The following THADA variants were observed in gnomAD, a reference collection of about 807,000 sequenced individuals.
THADA encodes tRNA (32-2'-O)-methyltransferase regulator THADA.
In THADA, 213 loss-of-function variants were observed where a neutral mutation model predicts 219.8. The ratio of observed to expected loss-of-function variants is 0.97; its 90% CI spans 0.87 to 1.09. The LOEUF (loss-of-function observed/expected upper bound fraction) is 1.09, where lower values mean the gene tolerates loss of function less well. Among genes scored for constraint, THADA ranks in the 50% least tolerant of loss-of-function variants. The pLI, the probability that THADA is intolerant of heterozygous loss-of-function variation, is 0.00. For synonymous variants in THADA, 1,018 were observed against 828.9 expected (o/e 1.23, Z -3.92); for missense variants, 2,956 against 2,311.3 (o/e 1.28, Z -5.72).
At chr2:43,410,613 G>A (rs1375904270) in intron 28 of THADA, among the ~76,000 whole-genome samples, 1 of 152,076 alleles carries the variant, frequency 6.6e-6, no homozygotes, top group Non-Finnish European at 1.5e-5. Context: ...TAATTATACT[G>A]AGTGAAAAAG....
chr2:43,441,037 T>C (rs7581586), intron 26 of THADA, among the ~76,000 whole-genome samples: 16,906 of 152,282 alleles, frequency 0.11, 1,076 homozygotes, highest in African/African-American at 0.16. Context: ...TAAGTAATTG[T>C]TTTGTTTTTA....
intron 36 of THADA, among the ~76,000 whole-genome samples, chr2:43,255,715 C>T (rs151164501): frequency 6.6e-6 from 1 of 152,212 alleles, no homozygotes; most frequent in African/African-American, 2.4e-5. Flanking sequence ...CCCCGGGAAG[C>T]TCAGATTCTT....
At chr2:43,452,796 A>G (rs1210803518) in intron 26 of THADA, among the ~76,000 whole-genome samples, 3 of 152,196 alleles carry the variant, frequency 2.0e-5, no homozygotes, top group Admixed American at 2.0e-4. Context: ...CTGCTGTTAC[A>G]AAGCATTTTT....
intron 16 of THADA, among the ~76,000 whole-genome samples, chr2:43,559,040 C>A (rs1178354582): frequency 6.6e-6 from 1 of 152,146 alleles, no homozygotes; most frequent in Admixed American, 6.5e-5. Flanking sequence ...CCATAATATG[C>A]CTTCTCCATC....
intron 24 of THADA, among the ~76,000 whole-genome samples, chr2:43,499,534 G>C (rs971440081): frequency 6.6e-6 from 1 of 151,934 alleles, no homozygotes; most frequent in Non-Finnish European, 1.5e-5. Context: ...GTGCCACCAC[G>C]GCCGGCTAAG....
chr2:43,572,670 T>C (rs1290012958), intron 12 of THADA, 144 bp downstream of exon 12: 2 of 624,370 alleles, frequency 3.2e-6, no homozygotes, highest in Non-Finnish European at 5.0e-6. Context: ...TACTGAAAGT[T>C]TAGTTGGGAG....
intron 26 of THADA, among the ~76,000 whole-genome samples, chr2:43,455,371 G>T (rs1309511206): frequency 6.7e-6 from 1 of 149,060 alleles, no homozygotes; most frequent in Non-Finnish European, 1.5e-5. Flanking sequence ...CGGAATTCCC[G>T]TTTTTAAAAA....
intron 36 of THADA, among the ~76,000 whole-genome samples, chr2:43,245,483 T>C (rs991133339): frequency 6.6e-5 from 10 of 152,120 alleles, no homozygotes; most frequent in Non-Finnish European, 1.3e-4. Context: ...ACTTCTTTCT[T>C]TTATAAGAAA....
intron 22 of THADA, among the ~76,000 whole-genome samples, chr2:43,522,183 A>T: frequency 6.6e-6 from 1 of 152,246 alleles, no homozygotes; most frequent in Non-Finnish European, 1.5e-5. Flanking sequence ...GTTTGCATGT[A>T]TATTTTAAAT....
At chr2:43,565,402 A>C (rs1174286872) in intron 15 of THADA, 1 of 149,034 alleles carries the variant, frequency 6.7e-6, no homozygotes, top group Non-Finnish European at 1.5e-5. Flanking sequence ...ACTGTACCCC[A>C]GCCTGGGCAA....
intron 29 of THADA, among the ~76,000 whole-genome samples, chr2:43,396,874 G>A (rs772016758): frequency 6.6e-6 from 1 of 152,078 alleles, no homozygotes; most frequent in Admixed American, 6.5e-5. Flanking sequence ...TACCTAGGGG[G>A]AATTAGTTAT....
At chr2:43,512,117 G>A (rs1574011219) in intron 22 of THADA, among the ~76,000 whole-genome samples, 1 of 152,136 alleles carries the variant, frequency 6.6e-6, no homozygotes, top group Non-Finnish European at 1.5e-5. Flanking sequence ...ACAAGGTCAA[G>A]GCTGGCAAAA....
At chr2:43,531,865 T>A (rs1693919915) in intron 21 of THADA, among the ~76,000 whole-genome samples, 1 of 152,112 alleles carries the variant, frequency 6.6e-6, no homozygotes, top group Non-Finnish European at 1.5e-5. Flanking sequence ...ACTCATAATT[T>A]TTTTAAAAAA....
At chr2:43,544,782 A>T (rs372374016) in intron 20 of THADA, among the ~76,000 whole-genome samples, 5 of 151,580 alleles carry the variant, frequency 3.3e-5, no homozygotes, top group Admixed American at 1.3e-4. Context: ...TGGGCTGAGA[A>T]AATGGGGTTT....
At chr2:43,334,868 T>C (rs1373408510) in intron 30 of THADA, among the ~76,000 whole-genome samples, 1 of 151,932 alleles carries the variant, frequency 6.6e-6, no homozygotes, top group Admixed American at 6.5e-5. Context: ...GGATTTCCCA[T>C]AGAGAGCCCT....
intron 36 of THADA, among the ~76,000 whole-genome samples, chr2:43,234,900 T>C (rs546924073): frequency 6.6e-6 from 1 of 152,310 alleles, no homozygotes; most frequent in East Asian, 1.9e-4. Flanking sequence ...CTCAAACTCC[T>C]GACCTCAAGT....
chr2:43,367,765 C>A (rs1670332144), intron 29 of THADA, among the ~76,000 whole-genome samples: 1 of 152,164 alleles, frequency 6.6e-6, no homozygotes, highest in Admixed American at 6.6e-5. Context: ...AGTCTCTCTA[C>A]TGTTATGTTG....
chr2:43,506,164 T>A (rs1202471846), intron 23 of THADA, among the ~76,000 whole-genome samples: 1 of 152,352 alleles, frequency 6.6e-6, no homozygotes, highest in Non-Finnish European at 1.5e-5. Context: ...TGTAAGAATG[T>A]TAAGCCTCCC....
At chr2:43,523,507 C>A (rs1448280251) in intron 22 of THADA, among the ~76,000 whole-genome samples, 2 of 152,152 alleles carry the variant, frequency 1.3e-5, no homozygotes. Context: ...GAGACTTGGT[C>A]TTTCATTCTC....
Sources: gnomAD v4.1 joint callset for allele counts (sites outside exome capture counted in the v4.1 genomes callset) on GRCh38, gnomAD v4.1.1 for gene constraint, MANE v1.5 for transcripts, NCBI Gene and HGNC (gene_info 2026-07-23, HGNC 2026-07-21) for gene names.